ARHGAP24: variants seen among roughly 807,000 people sequenced by gnomAD.
The protein encoded by ARHGAP24 is rho GTPase-activating protein 24.
Under a neutral mutation model 76.4 loss-of-function variants are expected in ARHGAP24, and 50 were observed. The observed-to-expected ratio is 0.65, with a 90% confidence interval of 0.52 to 0.83. ARHGAP24 has a LOEUF of 0.83. Among genes scored for constraint, ARHGAP24 ranks in the 40% least tolerant of loss-of-function variants. The probability of loss-of-function intolerance (pLI) is 0.00; values close to 1 mark genes in which losing one functional copy is unlikely to be tolerated. For missense variants in ARHGAP24, 930 were observed against 914.2 expected (o/e 1.02, Z -0.22); for synonymous variants, 345 against 323.3 (o/e 1.07, Z -0.72).
At chr4:85,989,850 GT>G (rs1403120843) in intron 8 of ARHGAP24, among the ~76,000 whole-genome samples, 1 of 151,672 alleles carries the variant, frequency 6.6e-6, no homozygotes, top group East Asian at 1.9e-4. Flanking sequence ...GAAAAATTTA[GT>G]TAAAATACTA....
At chr4:85,526,530 C>G (rs1042757611) in intron 1 of ARHGAP24, among the ~76,000 whole-genome samples, 1 of 151,830 alleles carries the variant, frequency 6.6e-6, no homozygotes, top group Non-Finnish European at 1.5e-5. Flanking sequence ...TGGTATGGGG[C>G]CTATCTCAAA....
At chr4:85,878,786 G>A (rs1733079639) in intron 3 of ARHGAP24, among the ~76,000 whole-genome samples, 1 of 152,136 alleles carries the variant, frequency 6.6e-6, no homozygotes, top group African/African-American at 2.4e-5. Context: ...GAGATTAATA[G>A]AACAGCAATT....
intron 1 of ARHGAP24, among the ~76,000 whole-genome samples, chr4:85,504,407 A>C (rs374334784): frequency 6.6e-6 from 1 of 152,166 alleles, no homozygotes; most frequent in Non-Finnish European, 1.5e-5. Context: ...GTGCTCCTCT[A>C]TTGGGTGCAT....
At chr4:85,634,124 AGTCCCCTTTCAATCAGTGAAT>A (rs1721240735) in intron 2 of ARHGAP24, among the ~76,000 whole-genome samples, 1 of 151,902 alleles carries the variant, frequency 6.6e-6, no homozygotes, top group African/African-American at 2.4e-5. Context: ...CAAATTATTT[AGTCCCCTTTCAATCAGTGAAT>A]GTTATATATT....
At chr4:85,587,436 A>G (rs1387115719) in intron 2 of ARHGAP24, among the ~76,000 whole-genome samples, 1 of 152,230 alleles carries the variant, frequency 6.6e-6, no homozygotes, top group Non-Finnish European at 1.5e-5. Flanking sequence ...AGAAAAAAGC[A>G]TCATCTAGCA....
intron 2 of ARHGAP24, among the ~76,000 whole-genome samples, chr4:85,611,831 T>G (rs778568533): frequency 4.6e-5 from 7 of 152,188 alleles, no homozygotes; most frequent in Admixed American, 6.6e-5. Context: ...ACATCTTGTT[T>G]TCAAACTCTA....
chr4:85,659,156 A>G (rs1255786007), intron 2 of ARHGAP24, among the ~76,000 whole-genome samples: 2 of 152,166 alleles, frequency 1.3e-5, no homozygotes, highest in Non-Finnish European at 2.9e-5. Flanking sequence ...CCTATGAAGC[A>G]TATAATGCTG....
intron 1 of ARHGAP24, among the ~76,000 whole-genome samples, chr4:85,520,986 A>T (rs1724720579): frequency 6.6e-6 from 1 of 152,170 alleles, no homozygotes; most frequent in African/African-American, 2.4e-5. Context: ...AGTCTATGCC[A>T]AATTTATAGT....
chr4:85,566,515 C>A (rs1353433918), intron 1 of ARHGAP24, among the ~76,000 whole-genome samples: 1 of 152,134 alleles, frequency 6.6e-6, no homozygotes, highest in Non-Finnish European at 1.5e-5. Flanking sequence ...AAGTTCTTAG[C>A]GTACACATTC....
At chr4:85,773,241 T>A (rs1727194202) in intron 3 of ARHGAP24, among the ~76,000 whole-genome samples, 1 of 152,196 alleles carries the variant, frequency 6.6e-6, no homozygotes, top group African/African-American at 2.4e-5. Flanking sequence ...AATGTCATAG[T>A]CCTTTAGACG....
intron 3 of ARHGAP24, among the ~76,000 whole-genome samples, chr4:85,843,401 C>G (rs778469701): frequency 5.3e-5 from 8 of 152,152 alleles, no homozygotes; most frequent in Middle Eastern, 3.4e-3. Flanking sequence ...TATCCAAACT[C>G]AAGACGCAAA....
intron 9 of ARHGAP24, among the ~76,000 whole-genome samples, chr4:85,996,443 C>G (rs902597657): frequency 6.6e-6 from 1 of 152,150 alleles, no homozygotes; most frequent in Non-Finnish European, 1.5e-5. Context: ...TTCTCAGTCC[C>G]AGTTTCAGGC....
chr4:85,996,523 T>C (rs1362968083), intron 9 of ARHGAP24, among the ~76,000 whole-genome samples: 1 of 152,160 alleles, frequency 6.6e-6, no homozygotes, highest in Admixed American at 6.5e-5. Flanking sequence ...TTGGCTTTAA[T>C]TTACCTTAAT....
chr4:85,844,351 A>G (rs140364932), intron 3 of ARHGAP24, among the ~76,000 whole-genome samples: 6 of 152,372 alleles, frequency 3.9e-5, no homozygotes, highest in Middle Eastern at 3.4e-3. Context: ...TGTAGCCTAC[A>G]TATTATAAGC....
At chr4:85,894,118 AT>A (rs1279595143) in intron 3 of ARHGAP24, among the ~76,000 whole-genome samples, 7 of 145,670 alleles carry the variant, frequency 4.8e-5, no homozygotes, top group African/African-American at 1.8e-4. Context: ...AAAAAAAAAG[AT>A]TTCAGGAAGG....
At chr4:85,680,659 C>G (rs997408434) in intron 2 of ARHGAP24, among the ~76,000 whole-genome samples, 1 of 151,902 alleles carries the variant, frequency 6.6e-6, no homozygotes, top group Non-Finnish European at 1.5e-5. Context: ...GTGACTAATC[C>G]AGGGTCTCAC....
At chr4:85,916,965 G>T (rs181490581) in intron 3 of ARHGAP24, among the ~76,000 whole-genome samples, 1 of 152,110 alleles carries the variant, frequency 6.6e-6, no homozygotes, top group East Asian at 1.9e-4. Flanking sequence ...ACGATGTGCA[G>T]GTTAGTTACA....
intron 3 of ARHGAP24, among the ~76,000 whole-genome samples, chr4:85,830,380 G>A (rs910943537): frequency 2.0e-5 from 3 of 152,302 alleles, no homozygotes; most frequent in Non-Finnish European, 4.4e-5. Flanking sequence ...AAGGGCCACT[G>A]TGTCCATCGT....
intron 3 of ARHGAP24, among the ~76,000 whole-genome samples, chr4:85,850,425 A>C (rs1731159161): frequency 6.6e-6 from 1 of 151,970 alleles, no homozygotes; most frequent in African/African-American, 2.4e-5. Context: ...ATTTTTTTGA[A>C]GGGTTTTTTG....
Sources: gnomAD v4.1 joint callset for allele counts (sites outside exome capture counted in the v4.1 genomes callset) on GRCh38, gnomAD v4.1.1 for gene constraint, MANE v1.5 for transcripts, NCBI Gene and HGNC (gene_info 2026-07-23, HGNC 2026-07-21) for gene names.